Variants in TTLL1 observed in about 807,000 individuals in gnomAD.
TTLL1 encodes TTL family tubulin polyglutamylase complex subunit L1.
Under a neutral mutation model 47.8 loss-of-function variants are expected in TTLL1, and 33 were observed. That is an observed-to-expected ratio of 0.69 (90% CI 0.52 to 0.92). The LOEUF is 0.92. TTLL1 is among the 40% of genes least tolerant of loss of function. The pLI, the probability that TTLL1 is intolerant of heterozygous loss-of-function variation, is 0.00. For missense variants in TTLL1, 488 were observed against 547.5 expected, an observed-to-expected ratio of 0.89 and a Z score of 1.08; for synonymous variants, 225 against 214.1, an observed-to-expected ratio of 1.05 and a Z score of -0.45.
At chr22:43,076,308 T>C (rs1352189656) in intron 2 of TTLL1, among the ~76,000 whole-genome samples, 1 of 151,630 alleles carries the variant, frequency 6.6e-6, no homozygotes, top group Non-Finnish European at 1.5e-5. Flanking sequence ...ATACAAAAAT[T>C]AGCCGGGTGT....
At position 43,052,080 on chromosome 22, in the gene TTLL1, A is replaced by G. The variant is rs1926674152; in HGVS notation, c.892-193T>C. On this transcript the variant is annotated intron_variant, in intron 8 of 10. Coordinates refer to ENST00000266254, the MANE Select transcript of TTLL1 (RefSeq NM_012263.5). ...AGCTCAGAGATTGGGCACTTTCCTC[A>G]GCCTGATAGAGGGAATTGATGAAGC... 25 of 591,760 alleles carry G rather than the reference A, an allele frequency of 4.2e-5. 2 individuals carry two copies. The South Asian group carries it at 4.6e-4, about 11-fold the overall frequency. 36.7% of individuals were successfully genotyped at this position (591,760 alleles called of 1,614,324 possible).
chr22:43,064,251 T>A lies in TTLL1; in HGVS notation c.577A>T (p.Arg193Trp). Reference protein sequence around the residue: ...YINNPLLIGGRKFDLRLYVLV... With the variant: ...YINNPLLIGGWKFDLRLYVLV... ...ACGTACAAGCGCAGGTCGAACTTCC[T>A]CCCGCCAATTAGTAACGGGTTGTTA... Residue 193 changes from arginine to tryptophan, a missense_variant, in exon 6 of 11, where the codon AGG becomes TGG. Physicochemically the swap from Arg to Trp is moderately radical, Grantham distance 101. Transcript: ENST00000266254. 6.2e-7 allele frequency: 1 copy of A among 1,614,064 alleles called. No homozygotes were observed. The highest frequency in any genetic ancestry group is 8.5e-7 in the Non-Finnish European group (1 of 1,180,016).
At chr22:43,052,114 G>T in intron 8 of TTLL1, 1 of 534,282 alleles carries the variant, frequency 1.9e-6, no homozygotes, top group South Asian at 2.0e-5. Context: ...GCCGTAATGG[G>T]CATCTCTGCG....
At chr22:43,070,935 C>T (rs1266626145) in intron 3 of TTLL1, among the ~76,000 whole-genome samples, 2 of 152,142 alleles carry the variant, frequency 1.3e-5, no homozygotes, top group African/African-American at 2.4e-5. Context: ...ATTTTTGAGA[C>T]AGGGTCTCGC....
At position 43,088,423 on chromosome 22, in the gene TTLL1, G is replaced by A. The variant is rs565201134; in HGVS notation, c.-90+854C>T. ...GCAATCTCGGCTCACTGCAAGCTCC[G>A]CCTCCCGGGTTCACGCCATTCTCCT... is the stretch of plus-strand genomic sequence containing the variant. On this transcript the variant is annotated intron_variant, in intron 1 of 10. Coordinates refer to ENST00000266254, the MANE Select transcript of TTLL1 (RefSeq NM_012263.5). 4.6e-4 allele frequency among the ~76,000 whole-genome samples: 61 copies of A among 132,218 alleles called. 1 individual carries two copies. Among genetic ancestry groups the A allele is most frequent in the African/African-American group, 1.6e-3 (57 of 36,392 alleles). The allele number at this position is 132,218 out of a possible 152,430, so 86.7% of individuals were successfully genotyped here.
At chr22:43,072,288 G>C (rs1234112128) in intron 3 of TTLL1, among the ~76,000 whole-genome samples, 1 of 151,676 alleles carries the variant, frequency 6.6e-6, no homozygotes, top group African/African-American at 2.4e-5. Flanking sequence ...CGAGTAGCTG[G>C]GACTACCGGC....
intron 2 of TTLL1, among the ~76,000 whole-genome samples, chr22:43,077,033 G>A (rs1348842262): frequency 2.6e-5 from 4 of 151,930 alleles, no homozygotes; most frequent in African/African-American, 4.8e-5. Flanking sequence ...CCCGGGAGGC[G>A]GAGATTGCAG....
intron 10 of TTLL1, among the ~76,000 whole-genome samples, chr22:43,041,545 T>TTTTTTTTA (rs3047280): frequency 6.6e-6 from 1 of 151,154 alleles, no homozygotes; most frequent in African/African-American, 2.4e-5. Flanking sequence ...TTTTTTTTTT[T>TTTTTTTTA]AAACGGTCAC....
intron 1 of TTLL1, among the ~76,000 whole-genome samples, chr22:43,083,221 T>A (rs1370208606): frequency 6.6e-6 from 1 of 151,546 alleles, no homozygotes; most frequent in African/African-American, 2.4e-5. Context: ...TACAAAAAAT[T>A]AGCTAGGCAT....
chr22:43,063,078 T>C (rs540568079), intron 7 of TTLL1, among the ~76,000 whole-genome samples: 2 of 152,278 alleles, frequency 1.3e-5, no homozygotes, highest in Admixed American at 1.3e-4. Context: ...TTCATACCAC[T>C]GGAAGCTTGA....
chr22:43,072,618 C>T (rs569107452), intron 3 of TTLL1, among the ~76,000 whole-genome samples: 2 of 152,130 alleles, frequency 1.3e-5, no homozygotes, highest in South Asian at 2.1e-4. Context: ...GCTACAGGCA[C>T]GAACCACTAT....
At chr22:43,049,881 C>T (rs979668029) in intron 9 of TTLL1, among the ~76,000 whole-genome samples, 11 of 151,364 alleles carry the variant, frequency 7.3e-5, no homozygotes, top group East Asian at 3.9e-4. Context: ...ATTGCCTGAG[C>T]GCTCAGGAGT....
chr22:43,057,588 A>G (rs1015448628), intron 8 of TTLL1, among the ~76,000 whole-genome samples: 1 of 152,090 alleles, frequency 6.6e-6, no homozygotes, highest in Non-Finnish European at 1.5e-5. Context: ...GTATCCCACC[A>G]CACACACACT....
intron 3 of TTLL1, among the ~76,000 whole-genome samples, chr22:43,072,143 ATTTTC>A (rs1928163604): frequency 1.4e-5 from 2 of 143,652 alleles, no homozygotes; most frequent in Non-Finnish European, 3.0e-5. Flanking sequence ...AACCATCTTT[ATTTTC>A]TTTTTCTTTT....
Position 43,046,639 on chromosome 22 carries a change from T to C in TTLL1, c.979-66A>G, listed in dbSNP as rs149803773. 10 of 1,498,052 alleles carry C rather than the reference T, an allele frequency of 6.7e-6. 1 individual carries two copies. The East Asian group carries it at 2.3e-4, about 34-fold the overall frequency. 92.8% of individuals were successfully genotyped at this position (1,498,052 alleles called of 1,614,324 possible). A position where few individuals can be genotyped will look rare whatever the true frequency, so the allele number is the denominator to read the frequency against. On this transcript the variant is annotated intron_variant, in intron 9 of 10. Transcript: ENST00000266254. ...GCTCTTTTGGAATGAAAATGTGCAC[T>C]GCAGAAGGAGATGCTGGCTGCTACA...
At chr22:43,046,826 C>T (rs537193656) in intron 9 of TTLL1, among the ~76,000 whole-genome samples, 5 of 152,206 alleles carry the variant, frequency 3.3e-5, no homozygotes, top group Admixed American at 6.5e-5. Context: ...CACACCAACA[C>T]GCCCAGCTAT....
intron 10 of TTLL1, among the ~76,000 whole-genome samples, chr22:43,041,669 C>A (rs1450655830): frequency 6.6e-6 from 1 of 151,746 alleles, no homozygotes. Context: ...CGCATGCCAC[C>A]ACGCCCGGCT....
At chr22:43,042,147 C>T (rs112809845) in intron 10 of TTLL1, among the ~76,000 whole-genome samples, 1,648 of 152,274 alleles carry the variant, frequency 0.011, 30 homozygotes, top group African/African-American at 0.037. Context: ...AGTGACCGCC[C>T]GTCTGGTTCG....
Position 43,059,471 on chromosome 22 carries a change from G to A in TTLL1, c.804C>T (p.Tyr268=), listed in dbSNP as rs1569426067. 1.2e-6 allele frequency: 2 copies of A among 1,614,028 alleles called. No individual in the cohort carries two copies. The highest frequency in any genetic ancestry group is 1.7e-6 in the Non-Finnish European group (2 of 1,179,988). Residue 268 remains tyrosine, a synonymous_variant, in exon 8 of 11, where the codon TAC becomes TAT. Coordinates refer to ENST00000266254, the MANE Select transcript of TTLL1 (RefSeq NM_012263.5). ...GKWTVSNLRL[Y]LESTRGKEVT... ...CCTCCTTGCCGCGGGTGCTCTCCAG[G>A]TAGAGCCGCAGGTTACTCACTGTCC...
Sources: gnomAD v4.1 joint callset for allele counts (sites outside exome capture counted in the v4.1 genomes callset) on GRCh38, gnomAD v4.1.1 for gene constraint, MANE v1.5 for transcripts, NCBI Gene and HGNC (gene_info 2026-07-23, HGNC 2026-07-21) for gene names.